The following UBE3B variants were observed in gnomAD, a reference collection of about 807,000 sequenced individuals.
UBE3B encodes the protein ubiquitin-protein ligase E3B.
UBE3B carries 80 observed loss-of-function variants against 132.3 expected under a neutral mutation model. The ratio of observed to expected loss-of-function variants is 0.60; its 90% CI spans 0.50 to 0.73. The LOEUF (loss-of-function observed/expected upper bound fraction) is 0.73. Among genes scored for constraint, UBE3B ranks in the 30% least tolerant of loss-of-function variants. The pLI, the probability that UBE3B is intolerant of heterozygous loss-of-function variation, is 0.00. For synonymous variants in UBE3B, 487 were observed against 520.4 expected, an observed-to-expected ratio of 0.94 and a Z score of 0.87; for missense variants, 1,196 against 1,362.5, an observed-to-expected ratio of 0.88 and a Z score of 1.92.
chr12:109,489,291 C>T (rs376167553), intron 7 of UBE3B, among the ~76,000 whole-genome samples: 2 of 152,156 alleles, frequency 1.3e-5, no homozygotes, highest in South Asian at 2.1e-4. Flanking sequence ...GTGGTAAGTG[C>T]TTGGAAGGAA....
In UBE3B at chr12:109,521,088, C is replaced by A. The variant is rs1881652552; in HGVS notation, c.2077-60C>A. 4 of 1,586,110 alleles carry A rather than the reference C, an allele frequency of 2.5e-6. No homozygotes were observed. Among genetic ancestry groups the A allele is most frequent in the Non-Finnish European group, 3.4e-6 (4 of 1,160,810 alleles). On this transcript the variant is annotated intron_variant, in intron 19 of 27. Coordinates refer to ENST00000342494, the MANE Select transcript of UBE3B (RefSeq NM_130466.4). The surrounding 1 kb of genome is among the most constrained non-coding windows in gnomAD (Gnocchi z 4.2). Reference sequence around the variant, plus strand: ...GAGCTTCGCACAGAGGAGAGGGAACCCCGAATTGTGTGCATAAGGCTTTGG... The same window carrying A: ...GAGCTTCGCACAGAGGAGAGGGAACACCGAATTGTGTGCATAAGGCTTTGG...
chr12:109,511,306 G>C lies in UBE3B; in HGVS notation c.1956+3G>C. The C allele has an allele frequency of 6.2e-7, 1 of 1,613,864 alleles. No individual in the cohort carries two copies. Among genetic ancestry groups the C allele is most frequent in the Non-Finnish European group, 8.5e-7 (1 of 1,179,788 alleles). Reference sequence around the variant, plus strand: ...CACATGTCATCCCTCACAAAAACGTGAGTTGCACTCAGAGCTGGGCCCCGA... The same window carrying C: ...CACATGTCATCCCTCACAAAAACGTCAGTTGCACTCAGAGCTGGGCCCCGA... On this transcript the variant is annotated splice_donor_region_variant and intron_variant, in intron 18 of 27. Transcript: ENST00000342494.
chr12:109,513,463 A>C (rs1445006858), intron 18 of UBE3B, among the ~76,000 whole-genome samples: 2 of 152,234 alleles, frequency 1.3e-5, no homozygotes, highest in Non-Finnish European at 2.9e-5. Flanking sequence ...AAAATATTTT[A>C]TATTTCAAAG....
At chr12:109,529,143 G>A (rs1055741811) in intron 24 of UBE3B, among the ~76,000 whole-genome samples, 9 of 152,160 alleles carry the variant, frequency 5.9e-5, no homozygotes, top group African/African-American at 1.2e-4. Context: ...CCTGGGTGAC[G>A]GAGTGAGACT....
intron 26 of UBE3B, 85 bp from the exon 27 acceptor site, chr12:109,533,381 C>G (rs1327468748): frequency 1.7e-5 from 22 of 1,268,864 alleles, no homozygotes; most frequent in Non-Finnish European, 2.5e-5. Context: ...ACAGACAGAG[C>G]AAACACGTGC....
rs1877389939 is a variant in UBE3B, at chr12:109,491,061, G to C, written c.647G>C (p.Gly216Ala). The change falls in exon 9 of 28, where the codon GGC becomes GCC. Residue 216 changes from glycine to alanine, a missense_variant. Transcript: ENST00000342494. ...TCTTTTCAGATATTGTTAACCCGTG[G>C]CCTGGCAAGACCCCGTCCTTGTCTA... ...YSVLQILLTRGLARPRPCLSK... is the reference protein window; with the variant it reads ...YSVLQILLTRALARPRPCLSK... The C allele has an allele frequency of 6.2e-7, 1 of 1,613,562 alleles. No homozygotes were observed. The highest frequency in any genetic ancestry group is 8.5e-7 in the Non-Finnish European group (1 of 1,179,634).
At chr12:109,507,828 C>G in intron 15 of UBE3B, 93 bp downstream of exon 15, 1 of 1,417,030 alleles carries the variant, frequency 7.1e-7, no homozygotes, top group East Asian at 2.3e-5. Flanking sequence ...AATGTGATTA[C>G]TGCAAACATT....
intron 4 of UBE3B, among the ~76,000 whole-genome samples, chr12:109,484,329 A>C (rs1876006573): frequency 6.6e-6 from 1 of 152,268 alleles, no homozygotes; most frequent in Non-Finnish European, 1.5e-5. Context: ...CAAAAGGAGT[A>C]GCAGGGTCTG....
At chr12:109,486,617 C>G (rs772339726) in intron 6 of UBE3B, 42 bp downstream of exon 6, 5 of 1,395,030 alleles carry the variant, frequency 3.6e-6, no homozygotes, top group Non-Finnish European at 4.8e-6. Flanking sequence ...AAACCAGAAA[C>G]AGTACGTATG....
In UBE3B at chr12:109,526,341, C is replaced by G. The variant is rs755054789; in HGVS notation, c.2569-17C>G. ...ATTAGAGTCCTCCCTATTAATTACTCCCATCTTCTCCCCCAGCTTGTTTGC... is the reference window on the plus strand; with the variant it reads ...ATTAGAGTCCTCCCTATTAATTACTGCCATCTTCTCCCCCAGCTTGTTTGC... On this transcript the variant is annotated splice_polypyrimidine_tract_variant and intron_variant, in intron 23 of 27. Transcript: ENST00000342494. The G allele has an allele frequency of 4.3e-6, 7 of 1,613,930 alleles. No individual in the cohort carries two copies. In the South Asian group the frequency reaches 6.6e-5, roughly 15 times the overall value.
rs182049879 is a variant in UBE3B, at chr12:109,486,301, G to T, written c.343-170G>T. Among the ~76,000 whole-genome samples, 18 of 152,220 alleles carry T rather than the reference G, an allele frequency of 1.2e-4. 1 individual carries two copies. Among genetic ancestry groups the T allele is most frequent in the Admixed American group, 1.2e-3 (18 of 15,296 alleles). ...GTAAATTTTCTTACTAGGCTATTTT[G>T]TCTTTGCGTTTAGTGTTAAAATAAG... On this transcript the variant is annotated intron_variant, in intron 5 of 27. Coordinates refer to ENST00000342494, the MANE Select transcript of UBE3B (RefSeq NM_130466.4).
chr12:109,503,038 C>G lies in UBE3B; in HGVS notation c.1298C>G (p.Ala433Gly). ...VLPVKSLLKRAFQKSASVRNI... is the reference protein window; with the variant it reads ...VLPVKSLLKRGFQKSASVRNI... The stretch of plus-strand genomic sequence containing the variant: ...TCCATGCCAGGTCTCCTAAAGCGTG[C>G]TTTTCAAAAGTCGGCATCAGTCCGG... The change falls in exon 14 of 28, where the codon GCT becomes GGT. Residue 433 changes from alanine (A) to glycine (G), a missense_variant. Physicochemically the swap from Ala to Gly is moderately conservative, Grantham distance 60. Coordinates refer to ENST00000342494, the MANE Select transcript of UBE3B (RefSeq NM_130466.4). 1 of 1,614,168 alleles carries G rather than the reference C, an allele frequency of 6.2e-7. No homozygotes were observed. The highest frequency in any genetic ancestry group is 8.5e-7 in the Non-Finnish European group (1 of 1,180,028).
chr12:109,538,256 C>T (rs1370617068), downstream of UBE3B, among the ~76,000 whole-genome samples: 1 of 152,208 alleles, frequency 6.6e-6, no homozygotes, highest in Non-Finnish European at 1.5e-5. The surrounding 1 kb of genome is among the most constrained non-coding windows in gnomAD (Gnocchi z 4.1). Context: ...GCTGGGTTCT[C>T]GCCAAGCTTG....
intron 9 of UBE3B, among the ~76,000 whole-genome samples, chr12:109,494,434 A>G (rs1331928579): frequency 6.6e-6 from 1 of 152,206 alleles, no homozygotes; most frequent in Middle Eastern, 3.4e-3. Context: ...TCATGTAACC[A>G]CTAGCCGTGG....
chr12:109,506,175 A>T (rs1879645066), intron 14 of UBE3B, among the ~76,000 whole-genome samples: 3 of 152,128 alleles, frequency 2.0e-5, no homozygotes, highest in Non-Finnish European at 4.4e-5. Flanking sequence ...TTCCACTTTT[A>T]ACATAATAGA....
downstream of UBE3B, among the ~76,000 whole-genome samples, chr12:109,539,637 A>G (rs749472819): frequency 6.6e-6 from 1 of 152,224 alleles, no homozygotes; most frequent in Non-Finnish European, 1.5e-5. Context: ...ATGAGCCATC[A>G]ATGACTCATG....
rs766065772 is a variant in UBE3B, at chr12:109,503,155, C to G, written c.1415C>G (p.Thr472Arg). Reference protein sequence around the residue: ...NICVLYQTSLTTLTQIRLQIL... With the variant: ...NICVLYQTSLRTLTQIRLQIL... The stretch of plus-strand genomic sequence containing the variant: ...TGTGTCCTCTACCAGACCTCGCTGA[C>G]AACTCTCACACAGATTCGGCTGCAG... Residue 472 changes from threonine to arginine, a missense_variant, in exon 14 of 28, where the codon ACA (threonine) becomes AGA (arginine). Coordinates refer to ENST00000342494, the MANE Select transcript of UBE3B (RefSeq NM_130466.4). 1.2e-6 allele frequency: 2 copies of G among 1,614,238 alleles called. No individual in the cohort carries two copies. Among genetic ancestry groups the G allele is most frequent in the Admixed American group, 3.3e-5 (2 of 60,020 alleles).
chr12:109,501,550 A>G lies in UBE3B; in HGVS notation c.1282+16A>G. Reference sequence around the variant, plus strand: ...CCAGTGAAGAGTGAGTGACGGGAGCAGGCCCAACCCTGTAGCTCCACTTGG... The same window carrying G: ...CCAGTGAAGAGTGAGTGACGGGAGCGGGCCCAACCCTGTAGCTCCACTTGG... On this transcript the variant is annotated intron_variant, in intron 13 of 27. Coordinates refer to ENST00000342494, the MANE Select transcript of UBE3B (RefSeq NM_130466.4). 1 of 1,611,506 alleles carries G rather than the reference A, an allele frequency of 6.2e-7. No individual in the cohort carries two copies. Among genetic ancestry groups the G allele is most frequent in the South Asian group, 1.1e-5 (1 of 90,834 alleles).
At chr12:109,504,638 A>C (rs1308142435) in intron 14 of UBE3B, among the ~76,000 whole-genome samples, 1 of 152,182 alleles carries the variant, frequency 6.6e-6, no homozygotes, top group East Asian at 1.9e-4. Flanking sequence ...TGGGAGCATC[A>C]GCTGAGGGAT....
Sources: gnomAD v4.1 joint callset for allele counts (sites outside exome capture counted in the v4.1 genomes callset) on GRCh38, gnomAD v4.1.1 for gene constraint, Gnocchi (gnomAD v3.1) non-coding constraint, MANE v1.5 for transcripts, NCBI Gene and HGNC (gene_info 2026-07-23, HGNC 2026-07-21) for gene names.